The following CDC73 variants were observed in gnomAD, a reference collection of about 807,000 sequenced individuals.
CDC73 encodes the protein cell division cycle 73.
In CDC73, 21 loss-of-function variants were observed where a neutral mutation model predicts 83.7. That is an observed-to-expected ratio of 0.25 (90% CI 0.18 to 0.36). The LOEUF (loss-of-function observed/expected upper bound fraction) is 0.36, where lower values mean the gene tolerates loss of function less well. Among genes scored for constraint, CDC73 ranks in the 10% least tolerant of loss-of-function variants. CDC73 has a pLI of 1.00. For missense variants in CDC73, 342 were observed against 653.3 expected (o/e 0.52, Z 5.19); for synonymous variants, 224 against 212.9 (o/e 1.05, Z -0.45).
At chr1:193,151,806 C>T (rs764568608) in intron 9 of CDC73, among the ~76,000 whole-genome samples, 5 of 152,030 alleles carry the variant, frequency 3.3e-5, no homozygotes, top group Non-Finnish European at 7.4e-5. Flanking sequence ...TGCCAGTGGT[C>T]CTAGCTACTC....
At chr1:193,189,296 C>T (rs1027117100) in intron 10 of CDC73, among the ~76,000 whole-genome samples, 5 of 152,066 alleles carry the variant, frequency 3.3e-5, no homozygotes, top group South Asian at 2.1e-4. Flanking sequence ...AAGAACTTTA[C>T]GTAAAGTTCA....
intron 10 of CDC73, among the ~76,000 whole-genome samples, chr1:193,185,571 A>G (rs1368668160): frequency 1.3e-5 from 2 of 152,106 alleles, no homozygotes; most frequent in African/African-American, 4.8e-5. Flanking sequence ...TTGAAAAAAA[A>G]ACTCTTAAGG....
chr1:193,140,071 C>T (rs546967078), intron 6 of CDC73, among the ~76,000 whole-genome samples: 1 of 152,212 alleles, frequency 6.6e-6, no homozygotes, highest in Non-Finnish European at 1.5e-5. Context: ...GCTGTAGTCT[C>T]AGCTCCATTT....
intron 10 of CDC73, among the ~76,000 whole-genome samples, chr1:193,153,010 C>T (rs6667917): frequency 0.04 from 6,036 of 152,102 alleles, 117 homozygotes; most frequent in Middle Eastern, 0.048. Context: ...ACCTCGTGAT[C>T]GCCCGCCTCA....
intron 10 of CDC73, among the ~76,000 whole-genome samples, chr1:193,182,238 A>G (rs934016038): frequency 2.0e-5 from 3 of 152,124 alleles, no homozygotes; most frequent in Non-Finnish European, 4.4e-5. Flanking sequence ...GAGAAAGTCA[A>G]TGAGAAGATG....
intron 6 of CDC73, among the ~76,000 whole-genome samples, chr1:193,138,383 G>T (rs1675839128): frequency 1.3e-5 from 2 of 152,162 alleles, no homozygotes; most frequent in Non-Finnish European, 2.9e-5. Flanking sequence ...CTATTACCAT[G>T]TTGGTCTTTC....
rs1244272523 is a variant in CDC73 at position 193,203,810 on chromosome 1, C to A, written c.988C>A (p.Arg330=). The change falls in exon 11 of 17, where the codon CGG becomes AGG. Residue 330 remains arginine, a synonymous_variant. Coordinates refer to ENST00000367435, the MANE Select transcript of CDC73 (RefSeq NM_024529.5). ...TCTTTTAAAGGAGGGTGCATCTGCC[C>A]GGAAGACTCAGACTCCTGCAGCCCA... The part of the protein sequence containing the change: ...LKSVTEGASA[R]KTQTPAAQPV... 1 of 1,613,168 alleles carries A rather than the reference C, an allele frequency of 6.2e-7. No homozygotes were observed. Among genetic ancestry groups the A allele is most frequent in the Non-Finnish European group, 8.5e-7 (1 of 1,179,350 alleles).
intron 10 of CDC73, among the ~76,000 whole-genome samples, chr1:193,175,164 C>T (rs980966096): frequency 6.6e-6 from 1 of 152,048 alleles, no homozygotes; most frequent in African/African-American, 2.4e-5. Context: ...CTTGAGAAGC[C>T]ATTGAAGCAG....
At chr1:193,245,748 C>G (rs1303401861) in intron 15 of CDC73, among the ~76,000 whole-genome samples, 6 of 152,072 alleles carry the variant, frequency 3.9e-5, no homozygotes, top group East Asian at 3.9e-4. Context: ...TATATTCCCA[C>G]CAACAATGTA....
chr1:193,211,072 A>G (rs1270968584), intron 11 of CDC73, among the ~76,000 whole-genome samples: 2 of 152,072 alleles, frequency 1.3e-5, no homozygotes, highest in Non-Finnish European at 2.9e-5. Flanking sequence ...CTTTTTTGCT[A>G]GACCTGAACA....
intron 6 of CDC73, among the ~76,000 whole-genome samples, chr1:193,139,478 C>T (rs1448377768): frequency 6.6e-6 from 1 of 152,142 alleles, no homozygotes; most frequent in African/African-American, 2.4e-5. Flanking sequence ...CCTACTTCAT[C>T]TTTTCATTTA....
At chr1:193,217,343 T>C (rs1677385913) in intron 13 of CDC73, among the ~76,000 whole-genome samples, 1 of 152,148 alleles carries the variant, frequency 6.6e-6, no homozygotes, top group Admixed American at 6.5e-5. Context: ...CAAGATACTC[T>C]GCTCTATCGC....
chr1:193,177,528 TAAA>T (rs556503372), intron 10 of CDC73, among the ~76,000 whole-genome samples: 51 of 104,424 alleles, frequency 4.9e-4, no homozygotes, highest in Admixed American at 4.7e-3. Flanking sequence ...AGACTCTGTC[TAAA>T]AAAAAAAAAA....
intron 10 of CDC73, among the ~76,000 whole-genome samples, chr1:193,156,177 A>G (rs1408176975): frequency 1.3e-5 from 2 of 152,216 alleles, no homozygotes; most frequent in African/African-American, 4.8e-5. Flanking sequence ...CCACTGGAGA[A>G]ATAATCAGAT....
rs1678075295 is a variant in CDC73, at chr1:193,253,391, A to G, written c.*2679A>G. 4.3e-6 allele frequency: 1 copy of G among 232,280 alleles called. No individual in the cohort carries two copies. The highest frequency in any genetic ancestry group is 5.6e-5 in the Admixed American group (1 of 17,726). 14.4% of individuals were successfully genotyped at this position (232,280 alleles called of 1,614,324 possible). On this transcript the variant is annotated 3_prime_UTR_variant, in exon 17 of 17. Transcript: ENST00000367435. ...TTCCTCTTCCTTCTTTTCTGTATGT[A>G]TGTGTGGTTTTTGATTTTTTGTTGT...
chr1:193,250,498 TAA>T lies in CDC73; in HGVS notation c.1560-177_1560-176del, dbSNP rs571124036. Among the ~76,000 whole-genome samples the T allele has an allele frequency of 8.6e-5, 13 of 151,916 alleles. No individual in the cohort carries two copies. In the South Asian group the frequency reaches 2.7e-3, roughly 32 times the overall value. On this transcript the variant is annotated intron_variant, in intron 16 of 16. Transcript: ENST00000367435. Reference sequence around the variant, plus strand: ...GAAGCTCTTAGATTATATTACTTAATAAGAGGAGTGTTATTTCTAGCTTATTC... The same window carrying T: ...GAAGCTCTTAGATTATATTACTTAATGAGGAGTGTTATTTCTAGCTTATTC...
intron 9 of CDC73, among the ~76,000 whole-genome samples, chr1:193,151,663 C>G (rs1231936177): frequency 3.9e-5 from 6 of 152,172 alleles, no homozygotes; most frequent in Non-Finnish European, 2.9e-5. Flanking sequence ...TAGCTCACAC[C>G]TGTAATCCCA....
chr1:193,147,321 A>T (rs1318812467), intron 7 of CDC73, among the ~76,000 whole-genome samples: 1 of 151,296 alleles, frequency 6.6e-6, no homozygotes, highest in Non-Finnish European at 1.5e-5. Context: ...CTTTCTGGTT[A>T]TATATTTGAA....
intron 12 of CDC73, 57 bp downstream of exon 12, chr1:193,212,157 C>T (rs958834428): frequency 7.3e-7 from 1 of 1,361,280 alleles, no homozygotes; most frequent in Non-Finnish European, 1.0e-6. Flanking sequence ...ATTGCAAAAC[C>T]AGGCCTGATA....
Sources: gnomAD v4.1 joint callset for allele counts (sites outside exome capture counted in the v4.1 genomes callset) on GRCh38, gnomAD v4.1.1 for gene constraint, MANE v1.5 for transcripts, NCBI Gene and HGNC (gene_info 2026-07-23, HGNC 2026-07-21) for gene names.